SLC2A13: variants seen among roughly 807,000 people sequenced by gnomAD.
SLC2A13 encodes the protein solute carrier family 2 member 13.
In SLC2A13, 32 loss-of-function variants were observed where a neutral mutation model predicts 64.4. That is an observed-to-expected ratio of 0.50 (90% confidence interval 0.37 to 0.67). The LOEUF is 0.67. Among genes scored for constraint, SLC2A13 ranks in the 30% least tolerant of loss-of-function variants. SLC2A13 has a pLI of 0.00. For synonymous variants in SLC2A13, 338 were observed against 327.1 expected (o/e 1.03, Z -0.36); for missense variants, 743 against 829.2 (o/e 0.90, Z 1.28).
At chr12:39,848,771 T>C (rs1204188410) in intron 6 of SLC2A13, among the ~76,000 whole-genome samples, 2 of 152,086 alleles carry the variant, frequency 1.3e-5, no homozygotes, top group African/African-American at 4.8e-5. Flanking sequence ...GGACTCAACA[T>C]AAATGCCCTT....
intron 4 of SLC2A13, among the ~76,000 whole-genome samples, chr12:39,909,851 TAC>T (rs1945384691): frequency 6.6e-6 from 1 of 151,186 alleles, no homozygotes; most frequent in Admixed American, 6.6e-5. Context: ...TTACTCTTCT[TAC>T]AGTTTGTTTT....
intron 7 of SLC2A13, among the ~76,000 whole-genome samples, chr12:39,783,172 C>T (rs1463477712): frequency 6.6e-6 from 1 of 152,144 alleles, no homozygotes; most frequent in African/African-American, 2.4e-5. Flanking sequence ...TTTCCAGCTT[C>T]ATCCATGTCC....
intron 6 of SLC2A13, among the ~76,000 whole-genome samples, chr12:39,852,798 GA>G (rs1172683072): frequency 1.3e-5 from 2 of 152,182 alleles, no homozygotes; most frequent in African/African-American, 4.8e-5. Flanking sequence ...GATTGGTTGT[GA>G]CCTCGTCTTC....
At chr12:40,095,945 T>G (rs1407710932) in intron 1 of SLC2A13, among the ~76,000 whole-genome samples, 1 of 152,194 alleles carries the variant, frequency 6.6e-6, no homozygotes, top group Non-Finnish European at 1.5e-5. Flanking sequence ...TTTGTTTGTT[T>G]TTTTCTTGAG....
At chr12:39,796,504 G>A (rs7959350) in intron 7 of SLC2A13, among the ~76,000 whole-genome samples, 84,876 of 150,646 alleles carry the variant, frequency 0.56, 25,120 homozygotes, top group Non-Finnish European at 0.65. Context: ...TTAAAAGCAA[G>A]CTGCTTGCCC....
At chr12:39,862,739 G>A (rs1367664803) in intron 6 of SLC2A13, among the ~76,000 whole-genome samples, 1 of 152,088 alleles carries the variant, frequency 6.6e-6, no homozygotes, top group Non-Finnish European at 1.5e-5. Flanking sequence ...GCATAATAGT[G>A]GACCATATTT....
At chr12:39,908,192 A>C (rs1371992878) in intron 4 of SLC2A13, 10 of 152,088 alleles carry the variant, frequency 6.6e-5, no homozygotes, top group African/African-American at 1.9e-4. Context: ...CTGGATACAC[A>C]AAGAGCCATC....
intron 4 of SLC2A13, among the ~76,000 whole-genome samples, chr12:39,926,224 A>C (rs1945726285): frequency 6.6e-6 from 1 of 152,144 alleles, no homozygotes; most frequent in African/African-American, 2.4e-5. Flanking sequence ...TTTGTATTTA[A>C]ATAATTATAA....
intron 4 of SLC2A13, among the ~76,000 whole-genome samples, chr12:39,879,404 T>C (rs1386459851): frequency 2.6e-5 from 4 of 152,162 alleles, no homozygotes; most frequent in Non-Finnish European, 1.5e-5. Flanking sequence ...CTTCAACTCA[T>C]GGGATCAGCC....
intron 3 of SLC2A13, among the ~76,000 whole-genome samples, chr12:39,952,500 A>C (rs1446135135): frequency 1.3e-5 from 2 of 152,204 alleles, no homozygotes; most frequent in African/African-American, 4.8e-5. Flanking sequence ...TTGTCTCAGC[A>C]ATAAAAGTTA....
chr12:40,018,134 C>A (rs1316630472), intron 3 of SLC2A13, among the ~76,000 whole-genome samples: 3 of 152,202 alleles, frequency 2.0e-5, no homozygotes, highest in African/African-American at 7.2e-5. Context: ...TGGGCCAAAT[C>A]TGGCCGGCTT....
chr12:39,774,265 G>A (rs1469235335), intron 7 of SLC2A13, among the ~76,000 whole-genome samples: 1 of 152,100 alleles, frequency 6.6e-6, no homozygotes, highest in African/African-American at 2.4e-5. Flanking sequence ...AGAGATTTAG[G>A]ATGGTGTAAA....
At chr12:39,833,391 G>C (rs1942915132) in intron 6 of SLC2A13, among the ~76,000 whole-genome samples, 1 of 151,824 alleles carries the variant, frequency 6.6e-6, no homozygotes. Context: ...CAACTGCTCT[G>C]CTACCTCAAA....
intron 1 of SLC2A13, among the ~76,000 whole-genome samples, chr12:40,093,573 A>C (rs1194746941): frequency 1.3e-5 from 2 of 152,212 alleles, no homozygotes; most frequent in Non-Finnish European, 2.9e-5. Context: ...AAGCAGGGAA[A>C]ACTGGTGGTG....
intron 3 of SLC2A13, among the ~76,000 whole-genome samples, chr12:39,997,484 G>A (rs1947251004): frequency 6.6e-6 from 1 of 152,148 alleles, no homozygotes; most frequent in Non-Finnish European, 1.5e-5. Context: ...TACTAATGAT[G>A]AGGGAAATGC....
In SLC2A13 at chr12:39,864,781, C is replaced by A. The variant is rs200572737; in HGVS notation, c.1300G>T (p.Ala434Ser). The A allele has an allele frequency of 1.2e-6, 2 of 1,613,618 alleles. No individual in the cohort carries two copies. The highest frequency in any genetic ancestry group is 1.3e-5 in the African/African-American group (1 of 74,864). Residue 434 changes from alanine to serine, a missense_variant, in exon 6 of 10, where the codon GCC becomes TCC. By Grantham distance (99) the Ala-to-Ser change is moderately conservative. Transcript: ENST00000280871. ...FKPIAPSGQNATCTRYSYCNE... is the reference protein window; with the variant it reads ...FKPIAPSGQNSTCTRYSYCNE... ...TCTCACCTGTATCTTGTGCAAGTGG[C>A]GTTCTGACCTGACGGAGCTATTGGC...
intron 7 of SLC2A13, among the ~76,000 whole-genome samples, chr12:39,767,894 C>T (rs1401760875): frequency 6.6e-6 from 1 of 152,046 alleles, no homozygotes; most frequent in Admixed American, 6.6e-5. Context: ...CTTCCCCTTC[C>T]TCCATGATTG....
Position 40,008,157 on chromosome 12 carries a change from G to A in SLC2A13, c.925+20144C>T, listed in dbSNP as rs565971846. On this transcript the variant is annotated intron_variant, in intron 3 of 9. Transcript: ENST00000280871. ...TTAGACTAAATATAGTAACACACCT[G>A]CTAAAATGATTCCTTATAACAACAT... 1.1e-4 allele frequency among the ~76,000 whole-genome samples: 17 copies of A among 152,220 alleles called. No individual in the cohort carries two copies. The Middle Eastern group carries it at 0.01, about 91-fold the overall frequency.
intron 1 of SLC2A13, among the ~76,000 whole-genome samples, chr12:40,085,595 A>G (rs1279360517): frequency 6.6e-6 from 1 of 152,206 alleles, no homozygotes; most frequent in Non-Finnish European, 1.5e-5. Context: ...AGAGAATTAA[A>G]AAATATACTT....
Sources: gnomAD v4.1 joint callset for allele counts (sites outside exome capture counted in the v4.1 genomes callset) on GRCh38, gnomAD v4.1.1 for gene constraint, MANE v1.5 for transcripts, NCBI Gene and HGNC (gene_info 2026-07-23, HGNC 2026-07-21) for gene names.